The following SLC24A3 variants were observed in gnomAD, a reference collection of about 807,000 sequenced individuals.
SLC24A3 encodes solute carrier family 24 member 3.
SLC24A3 carries 28 observed loss-of-function variants against 75.8 expected under a neutral mutation model. The ratio of observed to expected loss-of-function variants is 0.37; its 90% CI spans 0.27 to 0.51. The LOEUF (loss-of-function observed/expected upper bound fraction) is 0.51. Ranked by LOEUF, SLC24A3 falls within the 20% of genes least tolerant of loss-of-function variation. The probability of loss-of-function intolerance (pLI) is 0.94; values close to 1 mark genes in which losing one functional copy is unlikely to be tolerated. For missense variants in SLC24A3, 663 were observed against 847.8 expected (o/e 0.78, Z 2.71); for synonymous variants, 372 against 334.1 (o/e 1.11, Z -1.24).
At chr20:19,413,128 G>A (rs747966689) in intron 2 of SLC24A3, among the ~76,000 whole-genome samples, 26 of 152,144 alleles carry the variant, frequency 1.7e-4, no homozygotes, top group African/African-American at 3.4e-4. Flanking sequence ...CTACTTAGTC[G>A]TTGAGAAAGA....
In SLC24A3 at chr20:19,721,358, C is replaced by T. The variant is rs1600358277; in HGVS notation, c.*218C>T. 7 of 508,584 alleles carry T rather than the reference C, an allele frequency of 1.4e-5. No individual in the cohort carries two copies. Among genetic ancestry groups the T allele is most frequent in the South Asian group, 3.4e-5 (1 of 29,808 alleles). The allele number at this position is 508,584 out of a possible 1,614,324, so 31.5% of individuals were successfully genotyped here. A position where few individuals can be genotyped will look rare whatever the true frequency, so the allele number is the denominator to read the frequency against. Reference sequence around the variant, plus strand: ...CCCACCCACCCTTTCCTGCCTCCTCCGTGTGAAGACATCCAACATCCACGT... The same window carrying T: ...CCCACCCACCCTTTCCTGCCTCCTCTGTGTGAAGACATCCAACATCCACGT... On this transcript the variant is annotated 3_prime_UTR_variant, in exon 17 of 17. Coordinates refer to ENST00000328041, the MANE Select transcript of SLC24A3 (RefSeq NM_020689.4).
intron 3 of SLC24A3, among the ~76,000 whole-genome samples, chr20:19,563,404 A>G (rs2030907610): frequency 6.6e-6 from 1 of 152,220 alleles, no homozygotes; most frequent in Non-Finnish European, 1.5e-5. Flanking sequence ...TAACAATGAA[A>G]GGAAAATGGG....
chr20:19,672,567 A>C (rs2032480994), intron 8 of SLC24A3, among the ~76,000 whole-genome samples: 1 of 151,928 alleles, frequency 6.6e-6, no homozygotes, highest in East Asian at 1.9e-4. Flanking sequence ...GAACTTGGGG[A>C]CATAAGTGAT....
At chr20:19,370,320 A>T (rs774357931) in intron 2 of SLC24A3, among the ~76,000 whole-genome samples, 1 of 152,198 alleles carries the variant, frequency 6.6e-6, no homozygotes, top group South Asian at 2.1e-4. Context: ...CTGTTGTTTG[A>T]TAAGTGATGT....
intron 2 of SLC24A3, among the ~76,000 whole-genome samples, chr20:19,473,998 C>T (rs1445272549): frequency 6.6e-6 from 1 of 152,178 alleles, no homozygotes; most frequent in Non-Finnish European, 1.5e-5. Flanking sequence ...GTTTATTTTC[C>T]AGAACAGTGA....
At chr20:19,382,691 G>A (rs1377575079) in intron 2 of SLC24A3, among the ~76,000 whole-genome samples, 9 of 152,174 alleles carry the variant, frequency 5.9e-5, no homozygotes, top group Non-Finnish European at 1.0e-4. Flanking sequence ...ACAAATGTGA[G>A]AGAAGAGAAC....
chr20:19,293,885 G>A (rs2122238370), intron 2 of SLC24A3, among the ~76,000 whole-genome samples: 1 of 151,984 alleles, frequency 6.6e-6, no homozygotes, highest in Admixed American at 6.5e-5. Context: ...TAGGTCCAGT[G>A]GTCCCTTGGT....
At position 19,332,649 on chromosome 20, in the gene SLC24A3, T is replaced by A. The variant is rs907321126; in HGVS notation, c.271+51562T>A. Among the ~76,000 whole-genome samples the A allele has an allele frequency of 5.3e-5, 8 of 152,158 alleles. 1 individual carries two copies. The highest frequency in any genetic ancestry group is 1.9e-4 in the African/African-American group (8 of 41,450). ...AATAAATAGAAACCCAGAATGGGAC[T>A]GAGGAGACCCAGTTCCACAGGGAGA... On this transcript the variant is annotated intron_variant, in intron 2 of 16. Transcript: ENST00000328041.
At chr20:19,704,131 C>T (rs1324318338) in intron 15 of SLC24A3, among the ~76,000 whole-genome samples, 1 of 151,672 alleles carries the variant, frequency 6.6e-6, no homozygotes, top group Non-Finnish European at 1.5e-5. Flanking sequence ...GAACATATTC[C>T]ACAAATATTT....
At position 19,685,313 on chromosome 20, in the gene SLC24A3, G is replaced by A; in HGVS notation, c.1276G>A (p.Glu426Lys). 1 of 1,614,214 alleles carries A rather than the reference G, an allele frequency of 6.2e-7. No homozygotes were observed. The highest frequency in any genetic ancestry group is 8.5e-7 in the Non-Finnish European group (1 of 1,180,036). Residue 426 changes from glutamate (E) to lysine (K), a missense_variant, in exon 12 of 17, where the codon GAG (glutamate) becomes AAG (lysine). By Grantham distance (56) the Glu-to-Lys change is moderately conservative. Transcript: ENST00000328041. Reference sequence around the variant, plus strand: ...CAATGAGAATGATGAGGAGGAAGAGGAGGACGAGGATGATGATGAAGGACC... The same window carrying A: ...CAATGAGAATGATGAGGAGGAAGAGAAGGACGAGGATGATGATGAAGGACC... ...EDNENDEEEE[E>K]DEDDDEGPYT...
intron 3 of SLC24A3, among the ~76,000 whole-genome samples, chr20:19,563,028 T>A (rs750722636): frequency 6.6e-6 from 1 of 152,272 alleles, no homozygotes; most frequent in South Asian, 2.1e-4. Context: ...CAATCTACAA[T>A]GGGCACTCAA....
At chr20:19,391,594 CCATG>C (rs1986367845) in intron 2 of SLC24A3, among the ~76,000 whole-genome samples, 1 of 152,162 alleles carries the variant, frequency 6.6e-6, no homozygotes, top group African/African-American at 2.4e-5. Flanking sequence ...TGGGGTGAGG[CCATG>C]CAGTGTATGC....
intron 16 of SLC24A3, among the ~76,000 whole-genome samples, chr20:19,719,711 C>T (rs960322452): frequency 6.6e-6 from 1 of 152,292 alleles, no homozygotes; most frequent in African/African-American, 2.4e-5. Context: ...CATGGCTGAC[C>T]GATTTCCTCC....
At chr20:19,483,043 C>G (rs978997090) in intron 2 of SLC24A3, among the ~76,000 whole-genome samples, 10 of 152,208 alleles carry the variant, frequency 6.6e-5, no homozygotes, top group Non-Finnish European at 1.3e-4. Context: ...CACTTTCTAT[C>G]TCCACTGCAG....
chr20:19,304,563 C>T (rs1456426089), intron 2 of SLC24A3, among the ~76,000 whole-genome samples: 1 of 152,116 alleles, frequency 6.6e-6, no homozygotes. Context: ...CCTCCTTGTA[C>T]ATTGGGTTGT....
chr20:19,590,550 G>A (rs2031360923), intron 6 of SLC24A3, among the ~76,000 whole-genome samples: 1 of 152,196 alleles, frequency 6.6e-6, no homozygotes, highest in Non-Finnish European at 1.5e-5. Context: ...AAGGAAGAGA[G>A]CAAGTGATCT....
At chr20:19,238,270 C>T (rs1982226275) in intron 1 of SLC24A3, among the ~76,000 whole-genome samples, 1 of 152,170 alleles carries the variant, frequency 6.6e-6, no homozygotes. Flanking sequence ...TGTTTTCTTG[C>T]TGAATGTTAT....
At chr20:19,457,816 C>A (rs114140657) in intron 2 of SLC24A3, among the ~76,000 whole-genome samples, 5,048 of 152,240 alleles carry the variant, frequency 0.033, 144 homozygotes, top group African/African-American at 0.073. Context: ...GCTGAGCAGT[C>A]CCCAGAGAAA....
intron 9 of SLC24A3, among the ~76,000 whole-genome samples, chr20:19,679,501 CGGAGAGGGAGACCGTGG>C (rs71198020): frequency 1.3e-3 from 144 of 107,206 alleles, no homozygotes; most frequent in African/African-American, 4.0e-3. Context: ...TGGAAAGAGA[CGGAGAGGGAGACCGTGG>C]GGAGAGGGAG....
Sources: allele counts gnomAD v4.1 joint callset (sites outside exome capture counted in the v4.1 genomes callset), GRCh38; gene constraint gnomAD v4.1.1; transcripts MANE v1.5; gene names NCBI Gene and HGNC (gene_info 2026-07-23, HGNC 2026-07-21).